ZMYM2: variants seen among roughly 807,000 people sequenced by gnomAD.
ZMYM2 encodes the protein zinc finger MYM-type containing 2, also known as zinc finger MYM-type protein 2.
ZMYM2 carries 56 observed loss-of-function variants against 162.8 expected under a neutral mutation model. That is an observed-to-expected ratio of 0.34 (90% confidence interval 0.28 to 0.43). The LOEUF is 0.43. Ranked by LOEUF, ZMYM2 falls within the 20% of genes least tolerant of loss-of-function variation. ZMYM2 has a pLI of 1.00. For synonymous variants in ZMYM2, 510 were observed against 541.6 expected (o/e 0.94, Z 0.81); for missense variants, 1,275 against 1,621.8 (o/e 0.79, Z 3.67).
chr13:20,043,688 T>TC (rs1954491771), intron 12 of ZMYM2, among the ~76,000 whole-genome samples: 1 of 151,848 alleles, frequency 6.6e-6, no homozygotes, highest in Admixed American at 6.6e-5. Context: ...AACTGCAGTG[T>TC]CGTTGGTGGG....
chr13:19,884,004 C>T, the ZMYM2 span, among the ~76,000 whole-genome samples: 4 of 152,172 alleles, frequency 2.6e-5, no homozygotes, highest in Non-Finnish European at 4.4e-5. Context: ...GTGATCCGCC[C>T]GGTTTGACCT....
rs150173817 is a variant in ZMYM2, at chr13:19,993,089, T to C, written c.17T>C (p.Val6Ala). 1.2e-6 allele frequency: 2 copies of C among 1,604,588 alleles called. No homozygotes were observed. The highest frequency in any genetic ancestry group is 1.3e-5 in the African/African-American group (1 of 74,524). Residue 6 changes from valine to alanine, a missense_variant, in exon 3 of 25, where the codon GTG (valine) becomes GCG (alanine). By Grantham distance (64) the Val-to-Ala change is moderately conservative (BLOSUM62 0). This residue lies in a region of ZMYM2 where 295 missense variants were observed against 286.7 expected (regional missense o/e 1.03). Transcript: ENST00000610343. MDTSSVGGLELTDQTP... is the reference protein window; with the variant it reads MDTSSAGGLELTDQTP... Reference sequence around the variant, plus strand: ...TTCTTTGGCATGGACACAAGTTCAGTGGGAGGATTAGAATTGACTGATCAG... The same window carrying C: ...TTCTTTGGCATGGACACAAGTTCAGCGGGAGGATTAGAATTGACTGATCAG...
At position 19,993,628 on chromosome 13, in the gene ZMYM2, A is replaced by G. The variant is rs1949798939; in HGVS notation, c.556A>G (p.Asn186Asp). 3 of 1,614,190 alleles carry G rather than the reference A, an allele frequency of 1.9e-6. No homozygotes were observed. The highest frequency in any genetic ancestry group is 2.5e-6 in the Non-Finnish European group (3 of 1,180,000). The change falls in exon 3 of 25, where the codon AAT (asparagine) becomes GAT (aspartate). Residue 186 changes from asparagine (N) to aspartate (D), a missense_variant. Transcript: ENST00000610343. ...TEPDSEIQIA[N>D]VTTLETGVSS... ...ACCAGACTCTGAAATTCAGATTGCTAATGTTACAACTTTAGAAACAGGTGT... is the reference window on the plus strand; with the variant it reads ...ACCAGACTCTGAAATTCAGATTGCTGATGTTACAACTTTAGAAACAGGTGT...
the ZMYM2 span, among the ~76,000 whole-genome samples, chr13:19,890,923 G>A: frequency 5.3e-5 from 8 of 151,818 alleles, no homozygotes; most frequent in Admixed American, 5.3e-4. Flanking sequence ...TAGGCTGAAG[G>A]TCTTCTGGTT....
chr13:19,906,284 GTATATATATATATATATATATATA>G, the ZMYM2 span, among the ~76,000 whole-genome samples: 126 of 63,790 alleles, frequency 2.0e-3, 4 homozygotes, highest in East Asian at 0.013. Context: ...TCAAAAAAAA[GTATATATATATATATATATATATA>G]TATATATATA....
In ZMYM2 at chr13:20,086,147, T is replaced by C; in HGVS notation, c.*133T>C. 1 of 782,122 alleles carries C rather than the reference T, an allele frequency of 1.3e-6. No individual in the cohort carries two copies. Among genetic ancestry groups the C allele is most frequent in the Non-Finnish European group, 1.9e-6 (1 of 524,498 alleles). The allele number at this position is 782,122 out of a possible 1,614,324, so 48.4% of individuals were successfully genotyped here. ...GTAGCAGTGTACCCACGCTGGGTATTACCATGTAAATAATCTGTGAGTGAA... is the reference window on the plus strand; with the variant it reads ...GTAGCAGTGTACCCACGCTGGGTATCACCATGTAAATAATCTGTGAGTGAA... On this transcript the variant is annotated 3_prime_UTR_variant, in exon 25 of 25. Coordinates refer to ENST00000610343, the MANE Select transcript of ZMYM2 (RefSeq NM_197968.4).
intron 4 of ZMYM2, among the ~76,000 whole-genome samples, 196 bp downstream of exon 4, chr13:20,003,331 C>T (rs1035538088): frequency 2.0e-5 from 3 of 152,158 alleles, no homozygotes; most frequent in African/African-American, 7.2e-5. Flanking sequence ...TGTCTGTAAT[C>T]TCCATTGGAC....
At chr13:20,069,163 T>A (rs961979039) in intron 21 of ZMYM2, among the ~76,000 whole-genome samples, 1 of 152,148 alleles carries the variant, frequency 6.6e-6, no homozygotes, top group Non-Finnish European at 1.5e-5. Flanking sequence ...TGTTATTTTT[T>A]AAATATATCT....
the ZMYM2 span, among the ~76,000 whole-genome samples, chr13:19,907,132 C>T: frequency 2.0e-5 from 3 of 152,072 alleles, no homozygotes; most frequent in Admixed American, 1.3e-4. Flanking sequence ...TATTATCTCC[C>T]GAAGTAGTAT....
chr13:19,984,206 AAT>A (rs1169309255), intron 2 of ZMYM2, among the ~76,000 whole-genome samples: 3 of 152,210 alleles, frequency 2.0e-5, no homozygotes, highest in African/African-American at 4.8e-5. Flanking sequence ...TCTTGATACA[AAT>A]ATATGAATAT....
intron 2 of ZMYM2, among the ~76,000 whole-genome samples, chr13:19,961,899 T>C (rs1955257415): frequency 6.6e-6 from 1 of 152,224 alleles, no homozygotes; most frequent in South Asian, 2.1e-4. Context: ...AGTAGGAACA[T>C]ATGTAAATGC....
chr13:20,058,988 T>A (rs1392921073), intron 15 of ZMYM2: 1 of 481,226 alleles, frequency 2.1e-6, no homozygotes, highest in African/African-American at 2.0e-5. Flanking sequence ...AAAATTATAA[T>A]GCTTCCTCTG....
the ZMYM2 span, among the ~76,000 whole-genome samples, chr13:19,953,007 C>G: frequency 2.6e-5 from 4 of 152,156 alleles, no homozygotes; most frequent in African/African-American, 9.7e-5. Context: ...CTGGGCTTGT[C>G]CCTTCTTGCT....
intron 2 of ZMYM2, among the ~76,000 whole-genome samples, chr13:19,968,083 C>G (rs1955969510): frequency 6.6e-6 from 1 of 152,218 alleles, no homozygotes; most frequent in Non-Finnish European, 1.5e-5. Context: ...CTGATCTGCA[C>G]TGTCAACACT....
At chr13:20,023,856 C>T (rs774993087) in intron 7 of ZMYM2, among the ~76,000 whole-genome samples, 1 of 151,988 alleles carries the variant, frequency 6.6e-6, no homozygotes, top group Non-Finnish European at 1.5e-5. Context: ...TTTGAGGCAG[C>T]GGTAGCTGTG....
chr13:20,055,721 AC>A (rs1955742987), intron 14 of ZMYM2, among the ~76,000 whole-genome samples: 1 of 152,220 alleles, frequency 6.6e-6, no homozygotes, highest in African/African-American at 2.4e-5. Context: ...TGCTATAGTA[AC>A]ATCTCTAGTT....
chr13:20,036,263 A>T (rs919883501), intron 11 of ZMYM2, among the ~76,000 whole-genome samples: 3 of 59,028 alleles, frequency 5.1e-5, no homozygotes, highest in African/African-American at 1.0e-4. Flanking sequence ...CAAGTCAATA[A>T]ATCTGTTTTT....
At chr13:19,937,291 C>A in the ZMYM2 span, among the ~76,000 whole-genome samples, 4 of 152,074 alleles carry the variant, frequency 2.6e-5, no homozygotes, top group African/African-American at 7.2e-5. Flanking sequence ...CCAGCGCCAC[C>A]ATGCCCAGCT....
chr13:20,073,158 C>G (rs1957220309), intron 21 of ZMYM2, among the ~76,000 whole-genome samples: 1 of 152,038 alleles, frequency 6.6e-6, no homozygotes, highest in Non-Finnish European at 1.5e-5. Flanking sequence ...TCCGCCTGCC[C>G]CAGTTTTCCA....
Sources: gnomAD v4.1 joint callset for allele counts (sites outside exome capture counted in the v4.1 genomes callset) on GRCh38, gnomAD v4.1.1 for gene constraint, gnomAD v4.1.1 regional missense constraint, MANE v1.5 for transcripts, NCBI Gene and HGNC (gene_info 2026-07-23, HGNC 2026-07-21) for gene names.